The following FAM13A variants were observed in gnomAD, a reference collection of about 807,000 sequenced individuals.
FAM13A encodes the protein protein FAM13A.
Under a neutral mutation model 129.6 loss-of-function variants are expected in FAM13A, and 76 were observed. That is an observed-to-expected ratio of 0.59 (90% confidence interval 0.49 to 0.71). The LOEUF is 0.71. Ranked by LOEUF, FAM13A falls within the 30% of genes least tolerant of loss-of-function variation. FAM13A has a pLI of 0.00. For missense variants in FAM13A, 1,108 were observed against 1,249.3 expected (o/e 0.89, Z 1.70); for synonymous variants, 443 against 449.9 (o/e 0.98, Z 0.20).
intron 3 of FAM13A, among the ~76,000 whole-genome samples, chr4:89,013,199 A>T (rs1297408398): frequency 1.3e-5 from 2 of 151,896 alleles, no homozygotes; most frequent in African/African-American, 2.4e-5. Flanking sequence ...CCAACAAGAA[A>T]CACAGTAATC....
At chr4:88,821,921 G>A (rs1390021030) in intron 7 of FAM13A, among the ~76,000 whole-genome samples, 2 of 152,140 alleles carry the variant, frequency 1.3e-5, no homozygotes, top group African/African-American at 2.4e-5. Flanking sequence ...AGTATCTGTA[G>A]AAACCATTTT....
At chr4:88,911,857 C>G (rs1260518816) in intron 5 of FAM13A, among the ~76,000 whole-genome samples, 1 of 152,158 alleles carries the variant, frequency 6.6e-6, no homozygotes, top group Non-Finnish European at 1.5e-5. Context: ...ACTTGCTTCC[C>G]TTCATAGCAA....
In FAM13A at chr4:88,814,739, G is replaced by A. The variant is rs957326920; in HGVS notation, c.1008-9687C>T. Among the ~76,000 whole-genome samples, 7 of 152,002 alleles carry A rather than the reference G, an allele frequency of 4.6e-5. No homozygotes were observed. The East Asian group carries it at 9.7e-4, about 21-fold the overall frequency. On this transcript the variant is annotated intron_variant, in intron 7 of 23. Coordinates refer to ENST00000264344, the MANE Select transcript of FAM13A (RefSeq NM_014883.4). ...GTATCTATTATGTTTTTTTCTAAAC[G>A]CTTAATTTTTTTCTCTAGCCTTTCA...
At chr4:88,971,005 A>G (rs1343499332) in intron 4 of FAM13A, among the ~76,000 whole-genome samples, 2 of 152,152 alleles carry the variant, frequency 1.3e-5, no homozygotes, top group African/African-American at 2.4e-5. Flanking sequence ...TCAGGAGATC[A>G]AGACCATCCT....
rs945927198 is a variant in FAM13A, at chr4:88,790,642, C to A, written c.1050-15G>T. ...GTACATGAGCACTGCAGAAAAGAAGCAAAGAGAAAGTCAGGTTAGATGAAA... is the reference window on the plus strand; with the variant it reads ...GTACATGAGCACTGCAGAAAAGAAGAAAAGAGAAAGTCAGGTTAGATGAAA... On this transcript the variant is annotated splice_polypyrimidine_tract_variant and intron_variant, in intron 8 of 23. Coordinates refer to ENST00000264344, the MANE Select transcript of FAM13A (RefSeq NM_014883.4). 2.5e-6 allele frequency: 4 copies of A among 1,608,148 alleles called. No homozygotes were observed. The African/African-American group carries it at 5.4e-5, about 22-fold the overall frequency.
At chr4:88,953,945 A>G (rs1457469306) in intron 4 of FAM13A, among the ~76,000 whole-genome samples, 1 of 152,234 alleles carries the variant, frequency 6.6e-6, no homozygotes, top group Non-Finnish European at 1.5e-5. Flanking sequence ...CTTAAATAAC[A>G]GGACAAGAAA....
chr4:88,950,538 C>A (rs992425727), intron 4 of FAM13A, among the ~76,000 whole-genome samples: 1 of 152,058 alleles, frequency 6.6e-6, no homozygotes, highest in African/African-American at 2.4e-5. Flanking sequence ...AAGAGTAACT[C>A]CTATGTGTCT....
At chr4:88,769,618 G>A (rs1720215166) in intron 11 of FAM13A, among the ~76,000 whole-genome samples, 1 of 152,106 alleles carries the variant, frequency 6.6e-6, no homozygotes, top group Non-Finnish European at 1.5e-5. Flanking sequence ...CAGATCACGA[G>A]GTCAAGAGAT....
At chr4:88,784,732 T>C (rs1723637584) in intron 10 of FAM13A, among the ~76,000 whole-genome samples, 1 of 152,192 alleles carries the variant, frequency 6.6e-6, no homozygotes. Flanking sequence ...ACTTAAATGA[T>C]GCTTTGCTTT....
intron 4 of FAM13A, among the ~76,000 whole-genome samples, chr4:88,961,346 C>CTTTT (rs1560548919): frequency 9.0e-5 from 8 of 89,324 alleles, no homozygotes; most frequent in Non-Finnish European, 1.4e-4. Context: ...GTGGAATTTG[C>CTTTT]CTTTTTTTTT....
intron 7 of FAM13A, among the ~76,000 whole-genome samples, chr4:88,809,944 G>A (rs1256625961): frequency 6.6e-6 from 1 of 150,546 alleles, no homozygotes; most frequent in Non-Finnish European, 1.5e-5. Flanking sequence ...GTAATTTGTT[G>A]CGGGTGGGGG....
At chr4:89,020,427 G>T in intron 3 of FAM13A, 33 bp downstream of exon 3, 1 of 1,552,396 alleles carries the variant, frequency 6.4e-7, no homozygotes, top group Non-Finnish European at 8.9e-7. Context: ...TAGTAAAGTT[G>T]TTTTAACTCC....
intron 12 of FAM13A, among the ~76,000 whole-genome samples, 162 bp downstream of exon 12, chr4:88,767,821 T>C (rs534337693): frequency 5.6e-4 from 85 of 152,346 alleles, no homozygotes; most frequent in African/African-American, 1.8e-3. Flanking sequence ...AGCACTGTGA[T>C]AGATTTTCTA....
At chr4:88,846,994 T>C (rs1018846792) in intron 7 of FAM13A, among the ~76,000 whole-genome samples, 4 of 152,034 alleles carry the variant, frequency 2.6e-5, no homozygotes, top group Non-Finnish European at 4.4e-5. Context: ...ACTTCAAAGA[T>C]ATATAAAGGA....
At chr4:88,796,404 A>T (rs934949950) in intron 8 of FAM13A, among the ~76,000 whole-genome samples, 6 of 152,036 alleles carry the variant, frequency 3.9e-5, no homozygotes, top group African/African-American at 1.2e-4. Context: ...ATAAAGTAGC[A>T]GAAATGCTTG....
At chr4:88,773,787 T>A (rs781047833) in intron 11 of FAM13A, among the ~76,000 whole-genome samples, 2 of 152,210 alleles carry the variant, frequency 1.3e-5, no homozygotes, top group African/African-American at 2.4e-5. Flanking sequence ...CTACTTGAAT[T>A]CTTTACTAGA....
chr4:88,988,688 T>C (rs1423669403), intron 4 of FAM13A, among the ~76,000 whole-genome samples: 3 of 152,182 alleles, frequency 2.0e-5, no homozygotes, highest in African/African-American at 7.2e-5. Context: ...AGTAAATTGA[T>C]AAATATGAAA....
At chr4:88,948,577 C>T (rs532362314) in intron 4 of FAM13A, among the ~76,000 whole-genome samples, 1 of 152,160 alleles carries the variant, frequency 6.6e-6, no homozygotes, top group Admixed American at 6.5e-5. Flanking sequence ...CAACCTCCGC[C>T]TCCCGGGTTC....
intron 23 of FAM13A, among the ~76,000 whole-genome samples, chr4:88,730,276 A>G (rs1426375128): frequency 6.6e-6 from 1 of 152,238 alleles, no homozygotes; most frequent in Non-Finnish European, 1.5e-5. Context: ...TCAGGCTCCT[A>G]CTGTGACTTT....
Sources: allele counts gnomAD v4.1 joint callset (sites outside exome capture counted in the v4.1 genomes callset), GRCh38; gene constraint gnomAD v4.1.1; transcripts MANE v1.5; gene names NCBI Gene and HGNC (gene_info 2026-07-23, HGNC 2026-07-21).